The following ZFP2 variants were observed in gnomAD, a reference collection of about 807,000 sequenced individuals.
ZFP2 encodes the protein zinc finger protein ZFP2.
Under a neutral mutation model 36.1 loss-of-function variants are expected in ZFP2, and 33 were observed. That is an observed-to-expected ratio of 0.92 (90% CI 0.69 to 1.22). ZFP2 has a LOEUF of 1.22. Ranked by LOEUF, ZFP2 falls within the 50% of genes most tolerant of loss-of-function variation. ZFP2 has a pLI of 0.00. For synonymous variants in ZFP2, 170 were observed against 178.0 expected (o/e 0.96, Z 0.36); for missense variants, 522 against 551.4 (o/e 0.95, Z 0.53).
Position 178,932,634 on chromosome 5 carries a change from A to G in ZFP2, c.1321A>G (p.Asn441Asp). The G allele has an allele frequency of 1.2e-6, 2 of 1,613,644 alleles. No individual in the cohort carries two copies. The highest frequency in any genetic ancestry group is 1.7e-6 in the Non-Finnish European group (2 of 1,179,856). Residue 441 changes from asparagine to aspartate, a missense_variant, in exon 5 of 5, where the codon AAT (asparagine) becomes GAT (aspartate). By Grantham distance (23) the Asn-to-Asp change is conservative. Coordinates refer to ENST00000361362, the MANE Select transcript of ZFP2 (RefSeq NM_030613.4). The stretch of plus-strand genomic sequence containing the variant: ...TACAGGAGAGAAACCCTATCAGTGT[A>G]ATGAATGCGGAAAAGCCTTCAGCCG... ...THTGEKPYQC[N>D]ECGKAFSRST... is the part of the protein sequence containing the mutation.
chr5:178,927,257 T>C (rs78118038), intron 4 of ZFP2, among the ~76,000 whole-genome samples: 12,827 of 152,210 alleles, frequency 0.084, 682 homozygotes, highest in Non-Finnish European at 0.12. Flanking sequence ...TAGGAAATGG[T>C]AGTATCCCTT....
chr5:178,907,751 C>CA (rs1241568231), intron 1 of ZFP2, among the ~76,000 whole-genome samples: 2 of 151,878 alleles, frequency 1.3e-5, no homozygotes, highest in South Asian at 4.2e-4. Context: ...ACGAAACAAA[C>CA]AAAAAAAATT....
At chr5:178,897,249 C>A (rs1337474905) in intron 1 of ZFP2, among the ~76,000 whole-genome samples, 1 of 152,174 alleles carries the variant, frequency 6.6e-6, no homozygotes, top group Non-Finnish European at 1.5e-5. Flanking sequence ...CCCACACCAA[C>A]TGTGAATGTT....
intron 1 of ZFP2, among the ~76,000 whole-genome samples, chr5:178,909,109 AC>A (rs957505052): frequency 1.5e-5 from 2 of 133,834 alleles, no homozygotes; most frequent in African/African-American, 2.8e-5. Flanking sequence ...AGGGCGTAAA[AC>A]CCCTCGTGGC....
chr5:178,914,729 G>A (rs2113089735), intron 3 of ZFP2, among the ~76,000 whole-genome samples: 1 of 152,274 alleles, frequency 6.6e-6, no homozygotes, highest in East Asian at 1.9e-4. Flanking sequence ...TAGGTGCGGT[G>A]TGGAAAAATA....
intron 4 of ZFP2, among the ~76,000 whole-genome samples, chr5:178,917,443 C>T (rs940872084): frequency 2.0e-5 from 3 of 151,940 alleles, no homozygotes; most frequent in Non-Finnish European, 4.4e-5. Flanking sequence ...GGTGAAACCC[C>T]GTCTCTACTA....
Position 178,931,364 on chromosome 5 carries a change from T to C in ZFP2, c.51T>C (p.Pro17=). ...CTACTCTAGGGGAAACCTGGGAACC[T>C]AATAATTGGTTAGAGGGACAACAGG... The part of the protein sequence containing the change: ...WHSTLGETWE[P]NNWLEGQQDS... Residue 17 remains proline (P), a synonymous_variant, in exon 5 of 5, where the codon CCT becomes CCC. Coordinates refer to ENST00000361362, the MANE Select transcript of ZFP2 (RefSeq NM_030613.4). 2 of 1,613,572 alleles carry C rather than the reference T, an allele frequency of 1.2e-6. No homozygotes were observed. Among genetic ancestry groups the C allele is most frequent in the East Asian group, 2.2e-5 (1 of 44,872 alleles).
At chr5:178,910,017 C>T (rs1376312316) in intron 1 of ZFP2, 37 of 1,443,772 alleles carry the variant, frequency 2.6e-5, no homozygotes, top group Non-Finnish European at 3.3e-5. Flanking sequence ...GGCTATTTGC[C>T]GATGCAGTGA....
intron 4 of ZFP2, among the ~76,000 whole-genome samples, chr5:178,926,266 T>G (rs888291420): frequency 2.0e-5 from 3 of 152,188 alleles, no homozygotes; most frequent in Non-Finnish European, 4.4e-5. Flanking sequence ...TTTTAATTAT[T>G]TTTAAAATTT....
intron 1 of ZFP2, among the ~76,000 whole-genome samples, chr5:178,909,155 C>T (rs1285696630): frequency 6.8e-6 from 1 of 146,212 alleles, no homozygotes; most frequent in Non-Finnish European, 1.5e-5. Context: ...CGTAAAACCC[C>T]TCGTGGCCTG....
At chr5:178,904,675 G>T (rs1758130328) in intron 1 of ZFP2, among the ~76,000 whole-genome samples, 1 of 127,934 alleles carries the variant, frequency 7.8e-6, no homozygotes, top group Admixed American at 7.8e-5. Context: ...TATTGTATTT[G>T]TTGTCTCAGA....
At chr5:178,911,715 C>A (rs765681827) in intron 1 of ZFP2, among the ~76,000 whole-genome samples, 1 of 152,174 alleles carries the variant, frequency 6.6e-6, no homozygotes, top group Non-Finnish European at 1.5e-5. Context: ...TACTTTCTCC[C>A]TTTTCCTTAT....
chr5:178,917,941 C>T (rs1277510257), intron 4 of ZFP2, among the ~76,000 whole-genome samples: 1 of 152,224 alleles, frequency 6.6e-6, no homozygotes, highest in Admixed American at 6.5e-5. Context: ...GGAAGCTTTC[C>T]CTTAGATAGT....
chr5:178,930,063 A>G (rs1758793535), intron 4 of ZFP2, among the ~76,000 whole-genome samples: 1 of 151,808 alleles, frequency 6.6e-6, no homozygotes, highest in Non-Finnish European at 1.5e-5. Flanking sequence ...ACCACATCTC[A>G]CAAGAACTCA....
intron 4 of ZFP2, among the ~76,000 whole-genome samples, chr5:178,920,695 A>G (rs1045296316): frequency 6.6e-6 from 1 of 151,460 alleles, no homozygotes; most frequent in African/African-American, 2.4e-5. Context: ...AGTTCTTTTT[A>G]TATGCTCATT....
intron 1 of ZFP2, among the ~76,000 whole-genome samples, chr5:178,911,633 A>T (rs1252755607): frequency 6.6e-6 from 1 of 152,188 alleles, no homozygotes; most frequent in Non-Finnish European, 1.5e-5. Flanking sequence ...GGGGGAGTCA[A>T]AAGTTACACA....
chr5:178,931,944 G>T lies in ZFP2; in HGVS notation c.631G>T (p.Glu211Ter), dbSNP rs768620286. The T allele has an allele frequency of 4.1e-5, 66 of 1,613,940 alleles. No individual in the cohort carries two copies. Among genetic ancestry groups the T allele is most frequent in the Non-Finnish European group, 5.3e-5 (63 of 1,180,006 alleles). Residue 211 changes from glutamate to a stop codon, truncating the protein, a stop_gained, in exon 5 of 5, where the codon GAG becomes TAG. Transcript: ENST00000361362. LOFTEE classifies it high-confidence loss of function. The stretch of plus-strand genomic sequence containing the variant: ...TCAGCATGAAAGGATTCATACTGGA[G>T]AGAAACCCTACAAATGTAATGAATG... ...LIQHERIHTG[E>*]KPYKCNECGK...
At chr5:178,910,338 A>C in intron 1 of ZFP2, 1 of 1,136,500 alleles carries the variant, frequency 8.8e-7, no homozygotes, top group South Asian at 1.2e-5. Flanking sequence ...GCACCTGAAC[A>C]GTTCTTCCAA....
intron 1 of ZFP2, among the ~76,000 whole-genome samples, chr5:178,908,043 A>G (rs1425316697): frequency 6.6e-6 from 1 of 152,238 alleles, no homozygotes; most frequent in African/African-American, 2.4e-5. Context: ...TTGTCACCAG[A>G]CTACAAATGC....
Sources: gnomAD v4.1 joint callset for allele counts (sites outside exome capture counted in the v4.1 genomes callset) on GRCh38, gnomAD v4.1.1 for gene constraint, MANE v1.5 for transcripts, NCBI Gene and HGNC (gene_info 2026-07-23, HGNC 2026-07-21) for gene names.